TACR3: variants seen among roughly 807,000 people sequenced by gnomAD.
TACR3 encodes neuromedin-K receptor.
Under a neutral mutation model 35.0 loss-of-function variants are expected in TACR3, and 34 were observed. The observed-to-expected ratio is 0.97, with a 90% CI of 0.74 to 1.30. TACR3 has a LOEUF of 1.30. TACR3 is among the 50% of genes most tolerant of loss of function. The probability of loss-of-function intolerance (pLI) is 0.00; values close to 1 mark genes in which losing one functional copy is unlikely to be tolerated. For missense variants in TACR3, 558 were observed against 591.7 expected, an observed-to-expected ratio of 0.94 and a Z score of 0.59; for synonymous variants, 233 against 221.1, an observed-to-expected ratio of 1.05 and a Z score of -0.48.
At chr4:103,691,023 AT>A (rs2110216843) in intron 1 of TACR3, among the ~76,000 whole-genome samples, 1 of 152,328 alleles carries the variant, frequency 6.6e-6, no homozygotes, top group African/African-American at 2.4e-5. Flanking sequence ...ACTCTCACAC[AT>A]TGCTGTTATG....
chr4:103,646,045 A>T (rs1725449168), intron 3 of TACR3, among the ~76,000 whole-genome samples: 1 of 151,980 alleles, frequency 6.6e-6, no homozygotes, highest in South Asian at 2.1e-4. Context: ...GTCATTTAAT[A>T]GTCTGTCTGT....
chr4:103,617,210 ATAAG>A (rs1013453579), intron 3 of TACR3, among the ~76,000 whole-genome samples: 104 of 151,834 alleles, frequency 6.8e-4, no homozygotes, highest in African/African-American at 2.4e-3. Context: ...AGACCTTTAA[ATAAG>A]TACGATAAAC....
intron 1 of TACR3, among the ~76,000 whole-genome samples, chr4:103,690,589 T>G (rs1027577009): frequency 1.3e-5 from 2 of 151,978 alleles, no homozygotes; most frequent in Non-Finnish European, 2.9e-5. Flanking sequence ...AATTAGAAAA[T>G]CAGCAAGAGT....
chr4:103,589,961 C>T lies in TACR3; in HGVS notation c.1119G>A (p.Trp373Ter). Residue 373 changes from tryptophan (W) to a stop codon, truncating the protein, a stop_gained, in exon 5 of 5, where the codon TGG becomes TGA. Transcript: ENST00000304883. LOFTEE classifies it low-confidence loss of function (END_TRUNC). ...FRAGFKRAFR[W>*]CPFIKVSSYD... ...AGCTGGAAACTTTGATGAAAGGACA[C>T]CAGCGAAATGCTCTCTTGAAGCCAG... 6.2e-7 allele frequency: 1 copy of T among 1,613,826 alleles called. No homozygotes were observed. The highest frequency in any genetic ancestry group is 8.5e-7 in the Non-Finnish European group (1 of 1,179,846).
chr4:103,705,617 G>A (rs2110226892), intron 1 of TACR3, among the ~76,000 whole-genome samples: 1 of 152,186 alleles, frequency 6.6e-6, no homozygotes, highest in South Asian at 2.1e-4. Context: ...GAATCTATAA[G>A]GAAACAGCTA....
At chr4:103,594,955 T>C (rs1176630987) in intron 3 of TACR3, among the ~76,000 whole-genome samples, 1 of 152,190 alleles carries the variant, frequency 6.6e-6, no homozygotes, top group Non-Finnish European at 1.5e-5. Flanking sequence ...AATCTTGTAG[T>C]GTTATTTCAG....
chr4:103,712,317 T>C (rs185490738), intron 1 of TACR3, among the ~76,000 whole-genome samples: 4 of 152,120 alleles, frequency 2.6e-5, no homozygotes, highest in Non-Finnish European at 5.9e-5. Flanking sequence ...AGAAATAATA[T>C]CACACATCTA....
intron 1 of TACR3, among the ~76,000 whole-genome samples, chr4:103,659,816 T>C (rs1725801954): frequency 6.6e-6 from 1 of 152,140 alleles, no homozygotes; most frequent in Non-Finnish European, 1.5e-5. Flanking sequence ...AAGAAGCAAC[T>C]TCCAATTTTG....
At chr4:103,623,438 T>G (rs1724827716) in intron 3 of TACR3, among the ~76,000 whole-genome samples, 1 of 152,152 alleles carries the variant, frequency 6.6e-6, no homozygotes, top group Admixed American at 6.5e-5. Flanking sequence ...GCTTATTTTA[T>G]GGCAAAATTT....
At chr4:103,716,312 C>A (rs1044097518) in intron 1 of TACR3, among the ~76,000 whole-genome samples, 1 of 150,592 alleles carries the variant, frequency 6.6e-6, no homozygotes, top group Non-Finnish European at 1.5e-5. Context: ...GACTTCTAGG[C>A]AAGAAGGAAA....
intron 1 of TACR3, among the ~76,000 whole-genome samples, chr4:103,706,114 G>A (rs886808893): frequency 6.6e-6 from 1 of 152,118 alleles, no homozygotes; most frequent in Non-Finnish European, 1.5e-5. Flanking sequence ...TAATAGATTT[G>A]TGAGTTATTT....
chr4:103,591,583 C>G lies in TACR3; in HGVS notation c.989G>C (p.Arg330Thr). ...GTAGACCTGCTGGATGTATTTCCAT[C>G]TATTTAGTTGTTGATAGATTGCAGT... The part of the protein sequence containing the change: ...ILTAIYQQLN[R>T]WKYIQQVYLA... Residue 330 changes from arginine (R) to threonine (T), a missense_variant, in exon 4 of 5, where the codon AGA (arginine) becomes ACA (threonine). Physicochemically the swap from Arg to Thr is moderately conservative, Grantham distance 71 (BLOSUM62 -1). Transcript: ENST00000304883. The G allele has an allele frequency of 6.2e-7, 1 of 1,613,890 alleles. No individual in the cohort carries two copies. The highest frequency in any genetic ancestry group is 8.5e-7 in the Non-Finnish European group (1 of 1,179,874).
chr4:103,633,079 C>T (rs1428528706), intron 3 of TACR3, among the ~76,000 whole-genome samples: 1 of 151,850 alleles, frequency 6.6e-6, no homozygotes, highest in African/African-American at 2.4e-5. Flanking sequence ...ACATTAACTA[C>T]AATGCAGTTC....
intron 1 of TACR3, among the ~76,000 whole-genome samples, chr4:103,687,510 C>T (rs1325486865): frequency 6.6e-6 from 1 of 152,062 alleles, no homozygotes; most frequent in Non-Finnish European, 1.5e-5. Flanking sequence ...ATTGTCTCAG[C>T]CCAAAATCTC....
chr4:103,628,775 G>A (rs1384546350), intron 3 of TACR3, among the ~76,000 whole-genome samples: 1 of 152,088 alleles, frequency 6.6e-6, no homozygotes, highest in Non-Finnish European at 1.5e-5. Flanking sequence ...AGAAAAAGAG[G>A]GAATCCTCCC....
intron 1 of TACR3, among the ~76,000 whole-genome samples, chr4:103,699,990 TGTTTATTTCA>T (rs1722608433): frequency 2.0e-5 from 3 of 152,176 alleles, no homozygotes. Flanking sequence ...ATATCTACTT[TGTTTATTTCA>T]GTGTGCCCCA....
intron 3 of TACR3, among the ~76,000 whole-genome samples, chr4:103,628,726 G>A (rs1007246530): frequency 2.6e-5 from 4 of 152,170 alleles, no homozygotes; most frequent in African/African-American, 9.7e-5. Flanking sequence ...GGTACAAGGA[G>A]GAGCTGGTAC....
At chr4:103,594,112 C>A (rs899365366) in intron 3 of TACR3, among the ~76,000 whole-genome samples, 19 of 151,898 alleles carry the variant, frequency 1.3e-4, no homozygotes, top group African/African-American at 4.6e-4. Flanking sequence ...GTAAAATAAG[C>A]ATGGAATTTA....
intron 3 of TACR3, among the ~76,000 whole-genome samples, chr4:103,616,717 C>CAGAT (rs767276716): frequency 3.9e-5 from 6 of 152,140 alleles, no homozygotes; most frequent in Non-Finnish European, 7.3e-5. Context: ...GAGGTCAAGG[C>CAGAT]AGATAGGTCT....
Sources: allele counts gnomAD v4.1 joint callset (sites outside exome capture counted in the v4.1 genomes callset), GRCh38; gene constraint gnomAD v4.1.1; transcripts MANE v1.5; gene names NCBI Gene and HGNC (gene_info 2026-07-23, HGNC 2026-07-21).